NLGN1: variants seen among roughly 807,000 people sequenced by gnomAD.
NLGN1 encodes neuroligin 1, also known as neuroligin-1.
Under a neutral mutation model 65.5 loss-of-function variants are expected in NLGN1, and 12 were observed. The ratio of observed to expected loss-of-function variants is 0.18; its 90% CI spans 0.12 to 0.30. The LOEUF (loss-of-function observed/expected upper bound fraction) is 0.30. Ranked by LOEUF, NLGN1 falls within the 10% of genes least tolerant of loss-of-function variation. The pLI is 1.00. For synonymous variants in NLGN1, 350 were observed against 359.5 expected, an observed-to-expected ratio of 0.97 and a Z score of 0.30; for missense variants, 750 against 1,007.1, an observed-to-expected ratio of 0.74 and a Z score of 3.46.
At chr3:173,913,603 A>C (rs1353289493) in intron 4 of NLGN1, among the ~76,000 whole-genome samples, 1 of 152,214 alleles carries the variant, frequency 6.6e-6, no homozygotes, top group East Asian at 1.9e-4. Flanking sequence ...TTCCTCTCTC[A>C]ACATCCCAGC....
chr3:173,872,578 C>G (rs1404150483), intron 4 of NLGN1, among the ~76,000 whole-genome samples: 2 of 152,080 alleles, frequency 1.3e-5, no homozygotes, highest in African/African-American at 4.8e-5. Context: ...TGCAAATGCC[C>G]CTGAAGCATC....
chr3:173,923,571 A>G (rs1873586), intron 4 of NLGN1, among the ~76,000 whole-genome samples: 45,384 of 151,800 alleles, frequency 0.3, 7,827 homozygotes, highest in African/African-American at 0.48. Flanking sequence ...CTTCCAAGAC[A>G]AAGAAATTTT....
At chr3:173,929,418 G>A (rs1451288381) in intron 4 of NLGN1, among the ~76,000 whole-genome samples, 2 of 151,936 alleles carry the variant, frequency 1.3e-5, no homozygotes. Context: ...AAATTCAAAG[G>A]ATATTGCAGG....
At chr3:173,735,616 A>T (rs1773617570) in intron 3 of NLGN1, among the ~76,000 whole-genome samples, 1 of 151,904 alleles carries the variant, frequency 6.6e-6, no homozygotes, top group Non-Finnish European at 1.5e-5. Context: ...TCTGTCTCAA[A>T]TCTGCATAGA....
chr3:174,146,090 TC>T (rs1723172369), intron 4 of NLGN1, among the ~76,000 whole-genome samples: 3 of 150,150 alleles, frequency 2.0e-5, no homozygotes, highest in East Asian at 4.1e-4. Flanking sequence ...TCTATTCTAC[TC>T]TTTTCCTTCC....
chr3:173,593,065 T>C (rs1274667044), intron 2 of NLGN1, among the ~76,000 whole-genome samples: 3 of 152,262 alleles, frequency 2.0e-5, no homozygotes. Flanking sequence ...GGTTTCCAGA[T>C]TAATTCTTCA....
chr3:173,928,688 T>TA lies in NLGN1; in HGVS notation c.646+120856_646+120857insA, dbSNP rs1349971125. Among the ~76,000 whole-genome samples the TA allele has an allele frequency of 5.3e-5, 8 of 151,634 alleles. No individual in the cohort carries two copies. In the South Asian group the frequency reaches 1.5e-3, roughly 28 times the overall value. On this transcript the variant is annotated intron_variant, in intron 4 of 6. Coordinates refer to ENST00000457714, the Ensembl canonical transcript of NLGN1. ...ACATAGTTAATTTTTTTTTTTTTTT[T>TA]TTTGAGATAGAGTCTCTCTGTTGCC...
Position 174,212,494 on chromosome 3 carries a change from C to T in NLGN1, c.647-62821C>T, listed in dbSNP as rs981624397. ...GCCCAGGCAGAGGAGATGCCAAGAG[C>T]AAGCGAGGGCTCTGAGGACTGCCAG... On this transcript the variant is annotated intron_variant, in intron 4 of 6. Transcript: ENST00000457714. 3.9e-5 allele frequency among the ~76,000 whole-genome samples: 6 copies of T among 152,332 alleles called. No homozygotes were observed. In the East Asian group the frequency reaches 1.2e-3, roughly 29 times the overall value.
At chr3:173,981,907 C>G (rs954864436) in intron 4 of NLGN1, among the ~76,000 whole-genome samples, 1 of 151,954 alleles carries the variant, frequency 6.6e-6, no homozygotes, top group Non-Finnish European at 1.5e-5. Flanking sequence ...AACTTCCAAG[C>G]TGCTTTCTTT....
chr3:173,613,165 C>T (rs1440165774), intron 3 of NLGN1, among the ~76,000 whole-genome samples: 3 of 152,118 alleles, frequency 2.0e-5, no homozygotes, highest in African/African-American at 4.8e-5. Flanking sequence ...TATTGAAGGA[C>T]ACTAAGGACA....
intron 4 of NLGN1, among the ~76,000 whole-genome samples, chr3:174,235,050 G>GA (rs1307450925): frequency 3.4e-5 from 4 of 116,226 alleles, no homozygotes; most frequent in African/African-American, 3.7e-5. Context: ...GTGACAGCCA[G>GA]TTTTTTTTAG....
intron 4 of NLGN1, among the ~76,000 whole-genome samples, chr3:174,131,801 A>G (rs536706956): frequency 6.6e-6 from 1 of 152,314 alleles, no homozygotes; most frequent in South Asian, 2.1e-4. Flanking sequence ...TATATGGTAA[A>G]ATGACAAGTG....
intron 4 of NLGN1, among the ~76,000 whole-genome samples, chr3:174,068,304 CTCCCT>C (rs1739093243): frequency 6.6e-6 from 1 of 152,120 alleles, no homozygotes; most frequent in Non-Finnish European, 1.5e-5. Context: ...GTCTGTCCCA[CTCCCT>C]TCCAGCCTGC....
intron 4 of NLGN1, among the ~76,000 whole-genome samples, chr3:174,221,578 GTTATAC>G (rs991137496): frequency 2.7e-5 from 4 of 150,210 alleles, no homozygotes; most frequent in South Asian, 4.2e-4. Flanking sequence ...TCTTAGATAA[GTTATAC>G]TTAAATAAAC....
intron 4 of NLGN1, among the ~76,000 whole-genome samples, chr3:173,886,239 G>GA (rs1734309955): frequency 1.3e-5 from 2 of 152,076 alleles, no homozygotes; most frequent in South Asian, 4.1e-4. Context: ...GAACACTCAT[G>GA]AAAAAACAAT....
intron 4 of NLGN1, among the ~76,000 whole-genome samples, chr3:173,965,598 G>A (rs1714659623): frequency 6.6e-6 from 1 of 151,620 alleles, no homozygotes; most frequent in Non-Finnish European, 1.5e-5. Context: ...GATTACAGAC[G>A]TGAGCCACCC....
chr3:173,789,142 T>C (rs549148539), intron 3 of NLGN1, among the ~76,000 whole-genome samples: 1 of 150,164 alleles, frequency 6.7e-6, no homozygotes, highest in Non-Finnish European at 1.5e-5. Flanking sequence ...GAGGTTGCAG[T>C]GAGCTGAGAT....
intron 2 of NLGN1, among the ~76,000 whole-genome samples, chr3:173,506,502 T>A (rs1453386445): frequency 6.6e-6 from 1 of 152,066 alleles, no homozygotes; most frequent in African/African-American, 2.4e-5. Flanking sequence ...CTTCAACAGT[T>A]ACAGAAAACA....
chr3:173,712,149 A>C (rs1187307624), intron 3 of NLGN1, among the ~76,000 whole-genome samples: 1 of 152,096 alleles, frequency 6.6e-6, no homozygotes, highest in Non-Finnish European at 1.5e-5. Flanking sequence ...AATATGTGCT[A>C]ACCACTGTGT....
Sources: allele counts gnomAD v4.1 joint callset (sites outside exome capture counted in the v4.1 genomes callset), GRCh38; gene constraint gnomAD v4.1.1; transcripts MANE v1.5; gene names NCBI Gene and HGNC (gene_info 2026-07-23, HGNC 2026-07-21).